Variants in GLIS1 observed in about 807,000 individuals in gnomAD.
GLIS1 encodes GLIS family zinc finger 1, also known as zinc finger protein GLIS1.
A neutral mutation model predicts 63.8 loss-of-function variants in GLIS1; 24 were observed. The ratio of observed to expected loss-of-function variants is 0.38; its 90% CI spans 0.27 to 0.53. The LOEUF is 0.53. GLIS1 is among the 20% of genes least tolerant of loss of function. GLIS1 has a pLI of 0.85. For missense variants in GLIS1, 1,036 were observed against 1,074.1 expected (o/e 0.96, Z 0.50); for synonymous variants, 450 against 482.5 (o/e 0.93, Z 0.88).
chr1:53,714,894 A>T (rs548430303), intron 2 of GLIS1, among the ~76,000 whole-genome samples: 2 of 151,752 alleles, frequency 1.3e-5, no homozygotes. Context: ...ACAAGTTTTC[A>T]CTCTTTTCTT....
intron 2 of GLIS1, among the ~76,000 whole-genome samples, chr1:53,607,675 C>A (rs996221032): frequency 1.3e-5 from 2 of 152,234 alleles, no homozygotes; most frequent in African/African-American, 4.8e-5. Flanking sequence ...CACTGCTCCA[C>A]ATCATTAAGC....
At chr1:53,689,970 G>C (rs1646384366) in intron 2 of GLIS1, among the ~76,000 whole-genome samples, 1 of 152,170 alleles carries the variant, frequency 6.6e-6, no homozygotes, top group Non-Finnish European at 1.5e-5. Context: ...CTTGCTGTCA[G>C]GCCAACACAA....
At chr1:53,515,816 TAA>T (rs58953406) in intron 7 of GLIS1, among the ~76,000 whole-genome samples, 39 of 69,178 alleles carry the variant, frequency 5.6e-4, no homozygotes, top group African/African-American at 1.8e-3. Flanking sequence ...CTATTTTATC[TAA>T]AAAAAAAAAA....
chr1:53,694,046 T>C (rs923704139), intron 2 of GLIS1, among the ~76,000 whole-genome samples: 2 of 152,146 alleles, frequency 1.3e-5, no homozygotes, highest in South Asian at 2.1e-4. Flanking sequence ...GTCTACTGCC[T>C]GGTAGGGGAG....
Position 53,574,931 on chromosome 1 carries a change from G to A in GLIS1, c.1320+19177C>T, listed in dbSNP as rs752608284. 1.3e-5 allele frequency among the ~76,000 whole-genome samples: 2 copies of A among 152,244 alleles called. No individual in the cohort carries two copies. Among genetic ancestry groups the A allele is most frequent in the African/African-American group, 2.4e-5 (1 of 41,534 alleles). On this transcript the variant is annotated intron_variant, in intron 4 of 10. Coordinates refer to ENST00000628545, the MANE Select transcript of GLIS1 (RefSeq NM_001367484.1). The surrounding 1 kb of genome is among the most constrained non-coding windows in gnomAD (Gnocchi z 4.2). ...TCTTAACAAATGGTGTGATCACTCC[G>A]GGGGCAGGGTGGGCAGCCCCGGTCT...
At chr1:53,712,386 A>C (rs1165646215) in intron 2 of GLIS1, among the ~76,000 whole-genome samples, 2 of 152,198 alleles carry the variant, frequency 1.3e-5, no homozygotes, top group Admixed American at 1.3e-4. Flanking sequence ...AGGGCCCAGA[A>C]TGCCTTCCTC....
chr1:53,594,999 C>T lies in GLIS1; in HGVS notation c.438-9G>A, dbSNP rs949885766. ...CCTGGGGTCTAGGTGACCTGGAAGA[C>T]AGTGCCCAGAGAGGTCATGAGAGGC... On this transcript the variant is annotated splice_polypyrimidine_tract_variant and intron_variant, in intron 3 of 10. Transcript: ENST00000628545. The T allele has an allele frequency of 2.8e-6, 4 of 1,420,628 alleles. No individual in the cohort carries two copies. Among genetic ancestry groups the T allele is most frequent in the Admixed American group, 6.1e-5 (2 of 32,678 alleles). The allele number at this position is 1,420,628 out of a possible 1,614,324, so 88.0% of individuals were successfully genotyped here.
intron 2 of GLIS1, among the ~76,000 whole-genome samples, chr1:53,629,650 G>C (rs1359620382): frequency 1.3e-5 from 2 of 152,208 alleles, no homozygotes; most frequent in African/African-American, 4.8e-5. Context: ...CCATGGGCCT[G>C]GACAGTTGCA....
rs368536452 is a variant in GLIS1 at position 53,606,713 on chromosome 1, C to T, written c.260-6435G>A. On this transcript the variant is annotated intron_variant, in intron 2 of 10. Coordinates refer to ENST00000628545, the MANE Select transcript of GLIS1 (RefSeq NM_001367484.1). ...CTGAGACCTGCTGCTTGCCTGGAGC[C>T]GCCTTGGGGCATTCATGGCCATCAG... Among the ~76,000 whole-genome samples, 7 of 152,342 alleles carry T rather than the reference C, an allele frequency of 4.6e-5. No homozygotes were observed. The East Asian group carries it at 1.2e-3, about 25-fold the overall frequency.
chr1:53,690,915 A>T (rs1377696046), intron 2 of GLIS1, among the ~76,000 whole-genome samples: 5 of 152,162 alleles, frequency 3.3e-5, no homozygotes, highest in Admixed American at 3.3e-4. Context: ...AGATACAATT[A>T]TGTCCCCCTT....
At chr1:53,570,519 G>C (rs546842854) in intron 4 of GLIS1, among the ~76,000 whole-genome samples, 1 of 152,260 alleles carries the variant, frequency 6.6e-6, no homozygotes, top group South Asian at 2.1e-4. Context: ...GTGGGAAATA[G>C]CGGGGATGGA....
At chr1:53,614,538 C>T (rs886204328) in intron 2 of GLIS1, among the ~76,000 whole-genome samples, 1 of 152,166 alleles carries the variant, frequency 6.6e-6, no homozygotes, top group Non-Finnish European at 1.5e-5. Flanking sequence ...GGGTGTTATT[C>T]CAGTGTGGCA....
intron 2 of GLIS1, among the ~76,000 whole-genome samples, chr1:53,612,335 G>A (rs1645433022): frequency 6.6e-6 from 1 of 152,018 alleles, no homozygotes; most frequent in Non-Finnish European, 1.5e-5. Flanking sequence ...CGCCTCCCGG[G>A]TTCACACCAT....
chr1:53,610,824 G>A (rs1645417556), intron 2 of GLIS1, among the ~76,000 whole-genome samples: 1 of 152,080 alleles, frequency 6.6e-6, no homozygotes, highest in Non-Finnish European at 1.5e-5. Flanking sequence ...CTTTCACCAT[G>A]TCCTATATAT....
rs145525740 is a variant in GLIS1 at position 53,656,302 on chromosome 1, C to T, written c.260-56024G>A. Among the ~76,000 whole-genome samples, 62 of 152,324 alleles carry T rather than the reference C, an allele frequency of 4.1e-4. 1 individual carries two copies. The highest frequency in any genetic ancestry group is 1.4e-3 in the African/African-American group (57 of 41,566). The stretch of plus-strand genomic sequence containing the variant: ...GTGCCCCATCCTAAGGTGAAACCCT[C>T]GCCTCTCATCAGGAGTCTGCATCTT... On this transcript the variant is annotated intron_variant, in intron 2 of 10. Coordinates refer to ENST00000628545, the MANE Select transcript of GLIS1 (RefSeq NM_001367484.1).
intron 4 of GLIS1, among the ~76,000 whole-genome samples, chr1:53,544,003 G>C (rs1644671711): frequency 6.6e-6 from 1 of 152,200 alleles, no homozygotes; most frequent in Admixed American, 6.5e-5. Flanking sequence ...GAACCAAGGG[G>C]TGGCGGGAGG....
At chr1:53,542,830 C>T (rs1233200547) in intron 4 of GLIS1, among the ~76,000 whole-genome samples, 1 of 152,212 alleles carries the variant, frequency 6.6e-6, no homozygotes. Flanking sequence ...CTGGGGCATC[C>T]AGGCAGGACT....
At chr1:53,581,446 T>C (rs1371653092) in intron 4 of GLIS1, among the ~76,000 whole-genome samples, 1 of 152,216 alleles carries the variant, frequency 6.6e-6, no homozygotes, top group Non-Finnish European at 1.5e-5. Flanking sequence ...ATTACTAACA[T>C]TCATTTATCT....
At chr1:53,592,191 C>A (rs1390893163) in intron 4 of GLIS1, among the ~76,000 whole-genome samples, 1 of 152,190 alleles carries the variant, frequency 6.6e-6, no homozygotes, top group Non-Finnish European at 1.5e-5. Flanking sequence ...GTAACCCAGG[C>A]CCCTCTGACC....
Sources: gnomAD v4.1 joint callset for allele counts (sites outside exome capture counted in the v4.1 genomes callset) on GRCh38, gnomAD v4.1.1 for gene constraint, Gnocchi (gnomAD v3.1) non-coding constraint, MANE v1.5 for transcripts, NCBI Gene and HGNC (gene_info 2026-07-23, HGNC 2026-07-21) for gene names.